The following POMT2 variants were observed in gnomAD, a reference collection of about 807,000 sequenced individuals.
POMT2 encodes the protein protein O-mannosyl-transferase 2.
In POMT2, 75 loss-of-function variants were observed where a neutral mutation model predicts 100.0. That is an observed-to-expected ratio of 0.75 (90% confidence interval 0.62 to 0.91). The LOEUF is 0.91. Ranked by LOEUF, POMT2 falls within the 40% of genes least tolerant of loss-of-function variation. POMT2 has a pLI of 0.00. For missense variants in POMT2, 940 were observed against 955.1 expected (o/e 0.98, Z 0.21); for synonymous variants, 378 against 374.1 (o/e 1.01, Z -0.12).
At chr14:77,318,149 T>C (rs1891696236) in intron 1 of POMT2, among the ~76,000 whole-genome samples, 1 of 152,178 alleles carries the variant, frequency 6.6e-6, no homozygotes, top group African/African-American at 2.4e-5. Context: ...CACAGGACCC[T>C]GGAGATGTAA....
Position 77,298,780 on chromosome 14 carries a change from A to G in POMT2, c.924-9T>C. 6.2e-7 allele frequency: 1 copy of G among 1,610,930 alleles called. No homozygotes were observed. Among genetic ancestry groups the G allele is most frequent in the Non-Finnish European group, 8.5e-7 (1 of 1,178,396 alleles). On this transcript the variant is annotated splice_polypyrimidine_tract_variant and intron_variant, in intron 7 of 20. Transcript: ENST00000261534. ...AACCGTCACCAGGGCCACTGTGGGG[A>G]GAGGAAGAGCAGAAGAGAGTCAAGT... is the stretch of plus-strand genomic sequence containing the variant.
At chr14:77,311,821 T>C in intron 2 of POMT2, 128 bp downstream of exon 2, 2 of 1,438,108 alleles carry the variant, frequency 1.4e-6, no homozygotes, top group African/African-American at 2.9e-5. Context: ...TGGTCTGAAA[T>C]GTCAGAAAAT....
chr14:77,292,977 G>A (rs753436533), intron 9 of POMT2, among the ~76,000 whole-genome samples: 2 of 152,152 alleles, frequency 1.3e-5, no homozygotes. Context: ...TCCCCCCGAT[G>A]CATGACTGTA....
intron 6 of POMT2, chr14:77,300,095 G>C (rs1250001796): frequency 4.9e-6 from 1 of 204,954 alleles, no homozygotes; most frequent in South Asian, 9.0e-5. Flanking sequence ...GACCACAGAG[G>C]GTGGGGACCA....
intron 11 of POMT2, among the ~76,000 whole-genome samples, chr14:77,287,427 G>T (rs1366954499): frequency 6.6e-6 from 1 of 150,382 alleles, no homozygotes; most frequent in East Asian, 1.9e-4. Context: ...AATGACAAAT[G>T]AAATTTATTT....
At chr14:77,286,602 G>T in intron 12 of POMT2, 142 bp downstream of exon 12, 1 of 1,217,566 alleles carries the variant, frequency 8.2e-7, no homozygotes, top group Non-Finnish European at 1.2e-6. Flanking sequence ...GCCAAAAAGT[G>T]CCCAAATGTT....
rs764251403 is a variant in POMT2, at chr14:77,278,475, G to T, written c.2066C>A (p.Ala689Asp). The T allele has an allele frequency of 1.3e-6, 2 of 1,499,174 alleles. No homozygotes were observed. The highest frequency in any genetic ancestry group is 2.4e-5 in the South Asian group (2 of 83,182). 92.9% of individuals were successfully genotyped at this position (1,499,174 alleles called of 1,614,324 possible). A position where few individuals can be genotyped will look rare whatever the true frequency, so the allele number is the denominator to read the frequency against. The change falls in exon 20 of 21, where the codon GCC becomes GAC. Residue 689 changes from alanine (A) to aspartate (D), a missense_variant. Transcript: ENST00000261534. ...CAGGGGCCATGAGGCCAAGCCCCAG[G>T]CACAGAGCCGCAGGAGGGTGTCCCA... is the stretch of plus-strand genomic sequence containing the variant. ...ILWDTLLRLC[A>D]WGLASWPLAR...
chr14:77,283,735 T>C (rs1890311288), intron 15 of POMT2, 62 bp downstream of exon 15: 1 of 1,405,444 alleles, frequency 7.1e-7, no homozygotes, highest in Non-Finnish European at 1.0e-6. Context: ...TGACTTGTGA[T>C]CCAAATTCAT....
In POMT2 at chr14:77,320,482, A is replaced by G. The variant is rs1331736251; in HGVS notation, c.200T>C (p.Leu67Pro). The G allele has an allele frequency of 1.3e-6, 2 of 1,545,754 alleles. No individual in the cohort carries two copies. The highest frequency in any genetic ancestry group is 3.9e-5 in the Admixed American group (2 of 51,332). The stretch of plus-strand genomic sequence containing the variant: ...GCGGTGGAAGCGGGTGGCGAAGGAC[A>G]GCAGCGTCACCAAGGCCAGCAGGGC... ...WWALLALVTLLSFATRFHRLD... is the reference protein window; with the variant it reads ...WWALLALVTLPSFATRFHRLD... The change falls in exon 1 of 21, where the codon CTG (leucine) becomes CCG (proline). Residue 67 changes from leucine (L) to proline (P), a missense_variant. Physicochemically the swap from Leu to Pro is moderately conservative, Grantham distance 98 (BLOSUM62 -3). Transcript: ENST00000261534.
At chr14:77,304,021 C>T (rs554574306) in intron 4 of POMT2, among the ~76,000 whole-genome samples, 13 of 152,296 alleles carry the variant, frequency 8.5e-5, no homozygotes, top group African/African-American at 2.9e-4. Flanking sequence ...AAGGAAAAAG[C>T]CACCAGTCCT....
chr14:77,295,448 C>T (rs112729022), intron 9 of POMT2, among the ~76,000 whole-genome samples: 9 of 151,852 alleles, frequency 5.9e-5, no homozygotes, highest in Non-Finnish European at 8.8e-5. Context: ...CTGGCTAACA[C>T]GGTGAAACCC....
intron 11 of POMT2, chr14:77,287,816 T>G (rs1189525575): frequency 6.6e-6 from 1 of 152,138 alleles, no homozygotes. Flanking sequence ...ACACGACCAA[T>G]CTAGGATCAT....
rs146266971 is a variant in POMT2 at position 77,315,061 on chromosome 14, T to C, written c.249-3028A>G. On this transcript the variant is annotated intron_variant, in intron 1 of 20. Transcript: ENST00000261534. ...TGAAGGTCATACACACCCATCCTAG[T>C]ATGCTGGAGAGCCCCAGGGAGGAGA... 2.2e-3 allele frequency among the ~76,000 whole-genome samples: 331 copies of C among 152,180 alleles called. 2 individuals are homozygous for C. The highest frequency in any genetic ancestry group is 3.9e-3 in the Non-Finnish European group (268 of 67,988).
chr14:77,283,173 AAT>A (rs1890291160), intron 15 of POMT2, among the ~76,000 whole-genome samples: 1 of 152,276 alleles, frequency 6.6e-6, no homozygotes. Flanking sequence ...TCTGTCCAGG[AAT>A]ATGAGTGGGC....
At chr14:77,278,319 G>A (rs939841314) in intron 20 of POMT2, 75 bp downstream of exon 20, 2 of 1,207,734 alleles carry the variant, frequency 1.7e-6, no homozygotes, top group Non-Finnish European at 2.4e-6. Flanking sequence ...CACCGCAGGG[G>A]ATTCTCGAAT....
chr14:77,307,858 CTT>C (rs57755259), intron 2 of POMT2, among the ~76,000 whole-genome samples: 2 of 101,212 alleles, frequency 2.0e-5, no homozygotes, highest in African/African-American at 4.1e-5. Context: ...TTAATTTCTT[CTT>C]TTTTTTTTTT....
At chr14:77,308,355 TG>T (rs1566660001) in intron 2 of POMT2, among the ~76,000 whole-genome samples, 3 of 113,814 alleles carry the variant, frequency 2.6e-5, no homozygotes, top group Non-Finnish European at 3.7e-5. Context: ...AAAGTTTTTT[TG>T]TTTTTTTTTT....
chr14:77,286,026 ATCTAAGCCAG>A (rs1354900974), intron 12 of POMT2, among the ~76,000 whole-genome samples: 5 of 152,210 alleles, frequency 3.3e-5, no homozygotes, highest in African/African-American at 1.2e-4. Context: ...GTATTCACTC[ATCTAAGCCAG>A]AAAGGTCTGG....
In POMT2 at chr14:77,302,941, T is replaced by C. The variant is rs1891099452; in HGVS notation, c.550A>G (p.Thr184Ala). The change falls in exon 5 of 21, where the codon ACG becomes GCG. Residue 184 changes from threonine (T) to alanine (A), a missense_variant and splice_region_variant. Transcript: ENST00000261534. ...LLTAALLTFD[T>A]GCLTLSQYIL... Reference sequence around the variant, plus strand: ...TACTGGGACAGAGTGAGGCATCCCGTGTCTGAAAAACATGAGCTCGCTGGT... The same window carrying C: ...TACTGGGACAGAGTGAGGCATCCCGCGTCTGAAAAACATGAGCTCGCTGGT... 1.2e-6 allele frequency: 2 copies of C among 1,610,530 alleles called. No homozygotes were observed. The highest frequency in any genetic ancestry group is 1.7e-6 in the Non-Finnish European group (2 of 1,177,348).
Sources: allele counts gnomAD v4.1 joint callset (sites outside exome capture counted in the v4.1 genomes callset), GRCh38; gene constraint gnomAD v4.1.1; transcripts MANE v1.5; gene names NCBI Gene and HGNC (gene_info 2026-07-23, HGNC 2026-07-21).